Variants in GALNT13 observed in about 807,000 individuals in gnomAD.
GALNT13 encodes UDP-GalNAc:polypeptide N-acetylgalactosaminyltransferase 13.
Under a neutral mutation model 64.2 loss-of-function variants are expected in GALNT13, and 28 were observed. The ratio of observed to expected loss-of-function variants is 0.44; its 90% CI spans 0.32 to 0.60. The LOEUF (loss-of-function observed/expected upper bound fraction) is 0.60. Ranked by LOEUF, GALNT13 falls within the 20% of genes least tolerant of loss-of-function variation. The pLI is 0.05. For synonymous variants in GALNT13, 214 were observed against 224.6 expected, an observed-to-expected ratio of 0.95 and a Z score of 0.42; for missense variants, 577 against 669.8, an observed-to-expected ratio of 0.86 and a Z score of 1.53.
chr2:153,571,736 T>C, the GALNT13 span, among the ~76,000 whole-genome samples: 2 of 152,078 alleles, frequency 1.3e-5, no homozygotes, highest in Admixed American at 6.5e-5. Flanking sequence ...TCTGTTGATA[T>C]GATGTATCAC....
At chr2:153,867,947 G>T (rs550290875), upstream of GALNT13, among the ~76,000 whole-genome samples, 1 of 152,236 alleles carries the variant, frequency 6.6e-6, no homozygotes, top group South Asian at 2.1e-4. Flanking sequence ...ATATCCTTCT[G>T]TGTGGCCCAG....
the GALNT13 span, among the ~76,000 whole-genome samples, chr2:153,093,622 A>T: frequency 6.6e-6 from 1 of 152,090 alleles, no homozygotes; most frequent in Non-Finnish European, 1.5e-5. Context: ...CATCAGTAAC[A>T]TTGGCCAGTA....
the GALNT13 span, among the ~76,000 whole-genome samples, chr2:153,700,816 C>G: frequency 6.6e-6 from 1 of 152,086 alleles, no homozygotes; most frequent in African/African-American, 2.4e-5. Flanking sequence ...AAGAGAACTA[C>G]AAACCACTGC....
the GALNT13 span, among the ~76,000 whole-genome samples, chr2:153,827,873 T>C: frequency 1.6e-3 from 245 of 152,314 alleles, 1 homozygote; most frequent in African/African-American, 5.7e-3. Context: ...AGTTATTTTC[T>C]AGATACAATG....
At chr2:153,171,250 CT>C in the GALNT13 span, among the ~76,000 whole-genome samples, 9 of 152,198 alleles carry the variant, frequency 5.9e-5, no homozygotes, top group Non-Finnish European at 1.3e-4. Flanking sequence ...CTGATCAAGG[CT>C]TTCCTTGCTA....
chr2:154,367,280 GGAT>G (rs1697423342), intron 9 of GALNT13, among the ~76,000 whole-genome samples: 1 of 152,090 alleles, frequency 6.6e-6, no homozygotes, highest in African/African-American at 2.4e-5. Context: ...GTGGAAAAAT[GGAT>G]GATAACTTTG....
At chr2:153,189,384 T>A in the GALNT13 span, among the ~76,000 whole-genome samples, 1 of 152,184 alleles carries the variant, frequency 6.6e-6, no homozygotes, top group East Asian at 1.9e-4. Flanking sequence ...TCATCCATGT[T>A]GCTGCAAATG....
the GALNT13 span, among the ~76,000 whole-genome samples, chr2:153,474,004 A>G: frequency 6.6e-6 from 1 of 152,178 alleles, no homozygotes; most frequent in African/African-American, 2.4e-5. Flanking sequence ...TGGTGAGATC[A>G]TGCGTAATCG....
intron 8 of GALNT13, among the ~76,000 whole-genome samples, chr2:154,284,628 A>G (rs1017772533): frequency 1.3e-5 from 2 of 151,950 alleles, no homozygotes; most frequent in Non-Finnish European, 2.9e-5. Flanking sequence ...TATCTTGGCT[A>G]TTCTGAGTAA....
intron 4 of GALNT13, among the ~76,000 whole-genome samples, chr2:154,155,187 T>C (rs1684335298): frequency 6.6e-6 from 1 of 152,084 alleles, no homozygotes; most frequent in Non-Finnish European, 1.5e-5. Context: ...ATTAATATTC[T>C]CACTTCTATT....
chr2:153,179,635 C>T, the GALNT13 span, among the ~76,000 whole-genome samples: 1 of 152,102 alleles, frequency 6.6e-6, no homozygotes, highest in Non-Finnish European at 1.5e-5. Context: ...TTGTTGATCA[C>T]TGTGCCTAGG....
chr2:154,053,568 C>T (rs1394508002), intron 3 of GALNT13, among the ~76,000 whole-genome samples: 1 of 151,968 alleles, frequency 6.6e-6, no homozygotes, highest in Admixed American at 6.6e-5. Context: ...ATTCTATTTG[C>T]TTTTTATTGA....
chr2:153,956,199 T>C (rs2105415361), intron 3 of GALNT13, among the ~76,000 whole-genome samples: 1 of 152,258 alleles, frequency 6.6e-6, no homozygotes, highest in Admixed American at 6.5e-5. Flanking sequence ...TACTTTAGCA[T>C]TAGGCACAAC....
the GALNT13 span, among the ~76,000 whole-genome samples, chr2:153,783,521 T>G: frequency 2.2e-3 from 338 of 152,288 alleles, 1 homozygote; most frequent in African/African-American, 7.0e-3. Context: ...GGTACCATAT[T>G]TCTTTCAGGC....
the GALNT13 span, among the ~76,000 whole-genome samples, chr2:153,426,414 G>A: frequency 1.3e-5 from 2 of 151,980 alleles, no homozygotes; most frequent in Admixed American, 1.3e-4. Flanking sequence ...CTAAGGTAAT[G>A]TGGAGAGCTT....
rs1272522919 is a variant in GALNT13, at chr2:154,176,238, A to ATTT, written c.311+35734_311+35735insTTT. Among the ~76,000 whole-genome samples, 13 of 138,080 alleles carry ATTT rather than the reference A, an allele frequency of 9.4e-5. No individual in the cohort carries two copies. The South Asian group carries it at 1.6e-3, about 17-fold the overall frequency. The allele number at this position is 138,080 out of a possible 152,430, so 90.6% of individuals were successfully genotyped here. A position where few individuals can be genotyped will look rare whatever the true frequency, so the allele number is the denominator to read the frequency against. On this transcript the variant is annotated intron_variant, in intron 4 of 12. Coordinates refer to ENST00000392825, the MANE Select transcript of GALNT13 (RefSeq NM_052917.4). ...TTGTTTAAGGTCTAGTAGAACATAT[A>ATTT]TATTATTTATTTATTTATTTATTTA...
At chr2:154,447,735 A>G (rs1701666593) in intron 12 of GALNT13, among the ~76,000 whole-genome samples, 1 of 151,962 alleles carries the variant, frequency 6.6e-6, no homozygotes, top group African/African-American at 2.4e-5. Context: ...ACTTAGAACT[A>G]TATTCAAGCC....
At chr2:154,351,755 T>C (rs528057928) in intron 9 of GALNT13, among the ~76,000 whole-genome samples, 1 of 140,104 alleles carries the variant, frequency 7.1e-6, no homozygotes, top group South Asian at 2.4e-4. Flanking sequence ...ACTCTGTCAC[T>C]TGTATACAAT....
chr2:154,028,031 G>C (rs1020107370), intron 3 of GALNT13, among the ~76,000 whole-genome samples: 1 of 152,106 alleles, frequency 6.6e-6, no homozygotes, highest in Admixed American at 6.6e-5. Context: ...GCCTTGATGT[G>C]CACACAGTTA....
Sources: gnomAD v4.1 joint callset for allele counts (sites outside exome capture counted in the v4.1 genomes callset) on GRCh38, gnomAD v4.1.1 for gene constraint, MANE v1.5 for transcripts, NCBI Gene and HGNC (gene_info 2026-07-23, HGNC 2026-07-21) for gene names.